TIAM2: variants seen among roughly 807,000 people sequenced by gnomAD.
TIAM2 encodes the protein TIAM Rac1 associated GEF 2.
A neutral mutation model predicts 152.9 loss-of-function variants in TIAM2; 80 were observed. The ratio of observed to expected loss-of-function variants is 0.52; its 90% CI spans 0.44 to 0.63. The LOEUF is 0.63. Ranked by LOEUF, TIAM2 falls within the 30% of genes least tolerant of loss-of-function variation. TIAM2 has a pLI of 0.00. For synonymous variants in TIAM2, 804 were observed against 838.0 expected (o/e 0.96, Z 0.70); for missense variants, 1,965 against 2,120.1 (o/e 0.93, Z 1.44).
chr6:155,042,380 G>C (rs972892325), intron 1 of TIAM2, among the ~76,000 whole-genome samples: 2 of 152,122 alleles, frequency 1.3e-5, no homozygotes, highest in African/African-American at 4.8e-5. Flanking sequence ...CGGATCACCT[G>C]AGGTCTGGAG....
chr6:155,245,754 A>AATT, intron 19 of TIAM2, 23 bp downstream of exon 19: 1 of 562,928 alleles, frequency 1.8e-6, no homozygotes, highest in Non-Finnish European at 2.5e-6. Context: ...TGCCTTTTAT[A>AATT]GTTTTTTTTT....
At chr6:155,018,955 G>A (rs572790930) in intron 1 of TIAM2, among the ~76,000 whole-genome samples, 26 of 147,198 alleles carry the variant, frequency 1.8e-4, no homozygotes, top group African/African-American at 4.3e-4. Context: ...CAGGAAAATC[G>A]CTTGAACCTG....
chr6:155,234,875 G>C (rs1662194783), intron 15 of TIAM2, among the ~76,000 whole-genome samples: 1 of 152,252 alleles, frequency 6.6e-6, no homozygotes, highest in African/African-American at 2.4e-5. Context: ...GACCACATGG[G>C]AGGCAGAGGC....
chr6:155,158,981 A>G (rs965450688), intron 7 of TIAM2, among the ~76,000 whole-genome samples: 3 of 152,134 alleles, frequency 2.0e-5, no homozygotes, highest in African/African-American at 7.2e-5. Flanking sequence ...CAGGTAATAC[A>G]TTACTATTTT....
At chr6:155,071,078 G>T (rs140664671) in intron 1 of TIAM2, among the ~76,000 whole-genome samples, 328 of 152,224 alleles carry the variant, frequency 2.2e-3, no homozygotes, top group African/African-American at 7.2e-3. Flanking sequence ...GAGGCTGAGG[G>T]GGGAGGATGG....
rs150406978 is a variant in TIAM2 at position 155,252,979 on chromosome 6, C to T, written c.4151C>T (p.Thr1384Ile). Residue 1384 changes from threonine to isoleucine, a missense_variant, in exon 24 of 27, where the codon ACT becomes ATT. By Grantham distance (89) the Thr-to-Ile change is moderately conservative (BLOSUM62 -1). This residue lies in a region of TIAM2 where 935 missense variants were observed against 980.0 expected (regional missense o/e 0.95). Transcript: ENST00000682666. Reference sequence around the variant, plus strand: ...AATTCCCGGCCTGCACACAACTCTACTGACTTGGACCCATTTAAATTCCGC... The same window carrying T: ...AATTCCCGGCCTGCACACAACTCTATTGACTTGGACCCATTTAAATTCCGC... Reference protein sequence around the residue: ...PSNSRPAHNSTDLDPFKFRWL... With the variant: ...PSNSRPAHNSIDLDPFKFRWL... The T allele has an allele frequency of 3.1e-6, 5 of 1,614,242 alleles. No individual in the cohort carries two copies. Among genetic ancestry groups the T allele is most frequent in the Non-Finnish European group, 3.4e-6 (4 of 1,180,040 alleles).
At chr6:155,148,401 G>C (rs1206123353) in intron 7 of TIAM2, 67 bp downstream of exon 7, 1 of 1,421,436 alleles carries the variant, frequency 7.0e-7, no homozygotes, top group Admixed American at 1.9e-5. Context: ...CTGAACGCAT[G>C]CTGTCATCTT....
Position 155,176,906 on chromosome 6 carries a change from G to A in TIAM2, c.2452G>A (p.Asp818Asn). The A allele has an allele frequency of 6.2e-7, 1 of 1,614,018 alleles. No homozygotes were observed. The highest frequency in any genetic ancestry group is 8.5e-7 in the Non-Finnish European group (1 of 1,179,986). The change falls in exon 10 of 27, where the codon GAC becomes AAC. Residue 818 changes from aspartate (D) to asparagine (N), a missense_variant. Asp to Asn is a conservative substitution (Grantham distance 23, BLOSUM62 1). This residue lies in a region of TIAM2 where 1,025 missense variants were observed against 1,119.4 expected (regional missense o/e 0.92). Transcript: ENST00000682666. The part of the protein sequence containing the change: ...WEIQTYVHFQ[D>N]NHGVTVGIKP... ...AATCCAGACTTATGTCCACTTTCAG[G>A]ACAATCACGGAGTTACTGTAGGGAT...
At chr6:155,178,160 C>G (rs1371735598) in intron 10 of TIAM2, among the ~76,000 whole-genome samples, 1 of 86,736 alleles carries the variant, frequency 1.2e-5, no homozygotes, top group African/African-American at 5.5e-5. Context: ...GACTCCGTCT[C>G]AAATTAAAAA....
intron 1 of TIAM2, among the ~76,000 whole-genome samples, chr6:155,006,643 G>A (rs1333009221): frequency 2.7e-5 from 4 of 149,174 alleles, no homozygotes; most frequent in South Asian, 2.1e-4. Context: ...ATCAGCCTGG[G>A]CGACATTTTT....
chr6:155,240,453 A>G (rs1782972183), intron 15 of TIAM2, 77 bp from the exon 16 acceptor site: 1 of 1,477,134 alleles, frequency 6.8e-7, no homozygotes, highest in East Asian at 2.3e-5. Context: ...AGACGGAGAC[A>G]CTTGGTGCCC....
At chr6:155,056,322 C>CT (rs1004753116) in intron 1 of TIAM2, among the ~76,000 whole-genome samples, 4 of 147,300 alleles carry the variant, frequency 2.7e-5, no homozygotes, top group African/African-American at 1.1e-4. Context: ...TCGGCGCCTA[C>CT]CACCATGCCC....
At chr6:155,081,405 G>GA (rs33989916) in intron 1 of TIAM2, among the ~76,000 whole-genome samples, 67 of 145,086 alleles carry the variant, frequency 4.6e-4, no homozygotes, top group African/African-American at 9.8e-4. Flanking sequence ...TGAGTCTTCT[G>GA]AAAAAAAAAA....
intron 2 of TIAM2, among the ~76,000 whole-genome samples, chr6:155,112,885 C>T (rs1259408659): frequency 4.0e-5 from 6 of 151,496 alleles, no homozygotes; most frequent in Non-Finnish European, 8.8e-5. Flanking sequence ...CCTCCCCTAC[C>T]ACCCCCCTCC....
In TIAM2 at chr6:155,257,218, A is replaced by C. The variant is rs1170852203; in HGVS notation, c.*97A>C. 3 of 1,268,516 alleles carry C rather than the reference A, an allele frequency of 2.4e-6. No individual in the cohort carries two copies. The East Asian group carries it at 7.4e-5, about 31-fold the overall frequency. 78.6% of individuals were successfully genotyped at this position (1,268,516 alleles called of 1,614,324 possible). On this transcript the variant is annotated 3_prime_UTR_variant, in exon 27 of 27. Transcript: ENST00000682666. Reference sequence around the variant, plus strand: ...AAAAAAAAAAAAAAAAAAACTGTTCATTCCTGGGTTTTGTGCAGTATACAT... The same window carrying C: ...AAAAAAAAAAAAAAAAAAACTGTTCCTTCCTGGGTTTTGTGCAGTATACAT...
rs1056649007 is a variant in TIAM2, at chr6:155,174,071, G to C, written c.2362-2745G>C. On this transcript the variant is annotated intron_variant, in intron 9 of 26. Transcript: ENST00000682666. This position sits in a 1 kb window ranked among gnomAD's most constrained non-coding sequence, Gnocchi z 4.2. ...GGTGTGTGGCTTAGAATAATGGAAAGTAATCAGGAGATTTGGGTTGCACCC... is the reference window on the plus strand; with the variant it reads ...GGTGTGTGGCTTAGAATAATGGAAACTAATCAGGAGATTTGGGTTGCACCC... Among the ~76,000 whole-genome samples the C allele has an allele frequency of 1.6e-4, 24 of 152,216 alleles. No individual in the cohort carries two copies. The highest frequency in any genetic ancestry group is 5.5e-4 in the African/African-American group (23 of 41,458).
At chr6:155,018,074 G>A (rs1778628526) in intron 1 of TIAM2, among the ~76,000 whole-genome samples, 1 of 151,892 alleles carries the variant, frequency 6.6e-6, no homozygotes, top group Admixed American at 6.6e-5. Context: ...GGATGTATTG[G>A]ATTAAAATAC....
intron 15 of TIAM2, chr6:155,216,834 C>G (rs886590169): frequency 9.3e-7 from 1 of 1,078,822 alleles, no homozygotes; most frequent in Non-Finnish European, 1.2e-6. Context: ...AGCAGGCAGG[C>G]TCCCGGCATG....
intron 2 of TIAM2, among the ~76,000 whole-genome samples, chr6:155,099,253 TG>T (rs1415448350): frequency 8.0e-4 from 117 of 145,896 alleles, no homozygotes; most frequent in Non-Finnish European, 1.5e-3. Flanking sequence ...TGTGTGTGTG[TG>T]TGTGTGTAAT....
Sources: allele counts gnomAD v4.1 joint callset (sites outside exome capture counted in the v4.1 genomes callset), GRCh38; gene constraint gnomAD v4.1.1; regional missense constraint gnomAD v4.1.1; non-coding constraint Gnocchi (gnomAD v3.1); transcripts MANE v1.5; gene names NCBI Gene and HGNC (gene_info 2026-07-23, HGNC 2026-07-21).